The following AGAP1 variants were observed in gnomAD, a reference collection of about 807,000 sequenced individuals.
AGAP1 encodes the protein ArfGAP with GTPase domain, ankyrin repeat and PH domain 1.
In AGAP1, 29 loss-of-function variants were observed where a neutral mutation model predicts 105.3. The observed-to-expected ratio is 0.28, with a 90% confidence interval of 0.21 to 0.38. AGAP1 has a LOEUF of 0.38. Among genes scored for constraint, AGAP1 ranks in the 10% least tolerant of loss-of-function variants. The pLI is 1.00. For missense variants in AGAP1, 998 were observed against 1,165.1 expected (o/e 0.86, Z 2.09); for synonymous variants, 509 against 485.9 (o/e 1.05, Z -0.63).
chr2:235,513,087 T>C (rs1942219808), intron 1 of AGAP1, among the ~76,000 whole-genome samples: 1 of 152,044 alleles, frequency 6.6e-6, no homozygotes, highest in African/African-American at 2.4e-5. Context: ...TTGGGCCCCT[T>C]TGTGTTTTCT....
chr2:235,899,399 G>A (rs937402248), intron 10 of AGAP1, among the ~76,000 whole-genome samples: 1 of 152,310 alleles, frequency 6.6e-6, no homozygotes. Flanking sequence ...TGTAATCCCA[G>A]CTACTTGGGA....
chr2:235,713,913 A>T (rs73126415), intron 2 of AGAP1, among the ~76,000 whole-genome samples: 2 of 152,210 alleles, frequency 1.3e-5, no homozygotes, highest in African/African-American at 4.8e-5. Flanking sequence ...GGTCTTTCTC[A>T]GGCCTCTTCT....
intron 16 of AGAP1, among the ~76,000 whole-genome samples, chr2:236,074,656 A>C (rs1232985167): frequency 2.6e-5 from 4 of 152,210 alleles, no homozygotes; most frequent in Admixed American, 2.0e-4. Context: ...ACAATGACCA[A>C]AAATTTCTTC....
rs1482434116 is a variant in AGAP1 at position 236,124,556 on chromosome 2, C to G, written c.*434C>G. 2 of 223,900 alleles carry G rather than the reference C, an allele frequency of 8.9e-6. No homozygotes were observed. Among genetic ancestry groups the G allele is most frequent in the Non-Finnish European group, 1.8e-5 (2 of 112,298 alleles). The allele number at this position is 223,900 out of a possible 1,614,324, so 13.9% of individuals were successfully genotyped here. On this transcript the variant is annotated 3_prime_UTR_variant, in exon 18 of 18. Transcript: ENST00000304032. This position sits in a 1 kb window ranked among gnomAD's most constrained non-coding sequence, Gnocchi z 5.1. ...ACCAAACGGAACACTTGGATTCCATCTCTTCTCTGAGGAGCTCGACGGCAT... is the reference window on the plus strand; with the variant it reads ...ACCAAACGGAACACTTGGATTCCATGTCTTCTCTGAGGAGCTCGACGGCAT...
chr2:235,924,147 A>G (rs953003205), intron 11 of AGAP1, among the ~76,000 whole-genome samples: 1 of 152,054 alleles, frequency 6.6e-6, no homozygotes, highest in Non-Finnish European at 1.5e-5. Flanking sequence ...CCCTTGCAAG[A>G]TACTACCTTA....
At chr2:235,504,081 G>GCTATGTTGCCTTGGCCTCC (rs1411137329) in intron 1 of AGAP1, among the ~76,000 whole-genome samples, 1 of 151,808 alleles carries the variant, frequency 6.6e-6, no homozygotes, top group Non-Finnish European at 1.5e-5. Flanking sequence ...ATGGGGTCTC[G>GCTATGTTGCCTTGGCCTCC]CTATGTTGCC....
intron 1 of AGAP1, among the ~76,000 whole-genome samples, chr2:235,530,702 C>G (rs1366052676): frequency 1.3e-5 from 2 of 151,436 alleles, no homozygotes; most frequent in Non-Finnish European, 2.9e-5. Context: ...GATAAGGACC[C>G]TTGTGATTAC....
intron 12 of AGAP1, among the ~76,000 whole-genome samples, chr2:235,944,803 G>T (rs1238823775): frequency 6.6e-6 from 1 of 152,088 alleles, no homozygotes; most frequent in Non-Finnish European, 1.5e-5. Flanking sequence ...GGCGGGTCAG[G>T]CCCCCAGATG....
In AGAP1 at chr2:235,505,060, A is replaced by G. The variant is rs537395670; in HGVS notation, c.163+10211A>G. Among the ~76,000 whole-genome samples, 96 of 152,228 alleles carry G rather than the reference A, an allele frequency of 6.3e-4. 2 individuals carry two copies. The highest frequency in any genetic ancestry group is 4.3e-3 in the Admixed American group (65 of 15,292). On this transcript the variant is annotated intron_variant, in intron 1 of 17. Coordinates refer to ENST00000304032, the MANE Select transcript of AGAP1 (RefSeq NM_001037131.3). Reference sequence around the variant, plus strand: ...GGGGGACTCTTTCTGGCTGAGCCCCAAGCAGCCTCAATCCATCCCTGTGCT... The same window carrying G: ...GGGGGACTCTTTCTGGCTGAGCCCCGAGCAGCCTCAATCCATCCCTGTGCT...
Position 235,919,075 on chromosome 2 carries a change from C to T in AGAP1, c.1324+10169C>T, listed in dbSNP as rs531875698. Reference sequence around the variant, plus strand: ...GAGGAATAGTGTTTCAGCTGCTGAACTGATGCTTCCGAGACCAGCGAAGTG... The same window carrying T: ...GAGGAATAGTGTTTCAGCTGCTGAATTGATGCTTCCGAGACCAGCGAAGTG... On this transcript the variant is annotated intron_variant, in intron 11 of 17. Coordinates refer to ENST00000304032, the MANE Select transcript of AGAP1 (RefSeq NM_001037131.3). This position sits in a 1 kb window ranked among gnomAD's most constrained non-coding sequence, Gnocchi z 4.1. Among the ~76,000 whole-genome samples, 1 of 152,272 alleles carries T rather than the reference C, an allele frequency of 6.6e-6. No homozygotes were observed. The highest frequency in any genetic ancestry group is 1.9e-4 in the East Asian group (1 of 5,172).
At position 235,993,761 on chromosome 2, in the gene AGAP1, C is replaced by T. The variant is rs901074291; in HGVS notation, c.1645+25138C>T. On this transcript the variant is annotated intron_variant, in intron 13 of 17. Transcript: ENST00000304032. This position sits in a 1 kb window ranked among gnomAD's most constrained non-coding sequence, Gnocchi z 5.0. ...CTTACCAAACCAGCTATGCCACGCCCTTCTGCTTTGGCTGTGTAGATGCTG... is the reference window on the plus strand; with the variant it reads ...CTTACCAAACCAGCTATGCCACGCCTTTCTGCTTTGGCTGTGTAGATGCTG... Among the ~76,000 whole-genome samples the T allele has an allele frequency of 2.0e-5, 3 of 152,170 alleles. No individual in the cohort carries two copies. The highest frequency in any genetic ancestry group is 1.3e-4 in the Admixed American group (2 of 15,282).
intron 11 of AGAP1, among the ~76,000 whole-genome samples, chr2:235,922,852 A>G (rs992808526): frequency 2.0e-5 from 3 of 152,262 alleles, no homozygotes; most frequent in African/African-American, 4.8e-5. Context: ...GAAAAATAGC[A>G]TATGGTGGAG....
intron 12 of AGAP1, among the ~76,000 whole-genome samples, chr2:235,940,074 CT>C (rs2053190583): frequency 6.6e-6 from 1 of 152,162 alleles, no homozygotes; most frequent in Non-Finnish European, 1.5e-5. Context: ...TCTCACCCAC[CT>C]TTTCACCATC....
intron 11 of AGAP1, among the ~76,000 whole-genome samples, chr2:235,911,449 A>G (rs2051611756): frequency 6.6e-6 from 1 of 152,244 alleles, no homozygotes; most frequent in Non-Finnish European, 1.5e-5. Context: ...GCACACAGAT[A>G]TGAAGGAAGG....
intron 16 of AGAP1, among the ~76,000 whole-genome samples, chr2:236,110,141 G>A (rs943740912): frequency 9.2e-5 from 14 of 152,202 alleles, no homozygotes; most frequent in African/African-American, 3.4e-4. Context: ...TCTAAGATGG[G>A]GGTAAGAATA....
chr2:235,910,497 G>A (rs189954509), intron 11 of AGAP1, among the ~76,000 whole-genome samples: 1 of 152,196 alleles, frequency 6.6e-6, no homozygotes, highest in East Asian at 1.9e-4. Context: ...TTATTAGAGC[G>A]GTGTGCTAAC....
intron 1 of AGAP1, among the ~76,000 whole-genome samples, chr2:235,548,495 A>T (rs1943699584): frequency 6.6e-6 from 1 of 152,128 alleles, no homozygotes. Context: ...CTCTACTAAA[A>T]ATACAGAATT....
At position 235,729,488 on chromosome 2, in the gene AGAP1, A is replaced by T. The variant is rs1951826652; in HGVS notation, c.311-11475A>T. The stretch of plus-strand genomic sequence containing the variant: ...GCCAGTGACCCCCTCCCCCAGGAGG[A>T]TGCTGTAGGGGCAGTCTCACGGCGG... On this transcript the variant is annotated intron_variant, in intron 3 of 17. Transcript: ENST00000304032. This position sits in a 1 kb window ranked among gnomAD's most constrained non-coding sequence, Gnocchi z 5.0. 6.6e-6 allele frequency among the ~76,000 whole-genome samples: 1 copy of T among 152,086 alleles called. No individual in the cohort carries two copies.
At chr2:235,852,799 G>A (rs771483210) in intron 9 of AGAP1, 19 of 1,528,742 alleles carry the variant, frequency 1.2e-5, no homozygotes, top group South Asian at 3.7e-5. Context: ...AGACCAGCCC[G>A]CATTGTGCTG....
Sources: allele counts gnomAD v4.1 joint callset (sites outside exome capture counted in the v4.1 genomes callset), GRCh38; gene constraint gnomAD v4.1.1; non-coding constraint Gnocchi (gnomAD v3.1); transcripts MANE v1.5; gene names NCBI Gene and HGNC (gene_info 2026-07-23, HGNC 2026-07-21).